The following SYT1 variants were observed in gnomAD, a reference collection of about 807,000 sequenced individuals.
SYT1 encodes synaptotagmin 1, also known as synaptotagmin-1.
SYT1 carries 8 observed loss-of-function variants against 44.8 expected under a neutral mutation model. That is an observed-to-expected ratio of 0.18 (90% CI 0.10 to 0.32). The LOEUF is 0.32. Ranked by LOEUF, SYT1 falls within the 10% of genes least tolerant of loss-of-function variation. The pLI is 1.00. For missense variants in SYT1, 286 were observed against 509.3 expected (o/e 0.56, Z 4.22); for synonymous variants, 154 against 188.8 (o/e 0.82, Z 1.51).
Position 79,299,452 on chromosome 12 carries a change from G to A in SYT1, c.711G>A (p.Lys237=). The change falls in exon 8 of 11, where the codon AAG becomes AAA. Residue 237 remains lysine, a synonymous_variant. Transcript: ENST00000261205. ...TATATGATTTTGATCGTTTCTCTAA[G>A]CATGACATCATTGGAGAATTTAAAG... The part of the protein sequence containing the change: ...MAVYDFDRFS[K]HDIIGEFKVP... The A allele has an allele frequency of 6.2e-7, 1 of 1,613,566 alleles. No individual in the cohort carries two copies. The highest frequency in any genetic ancestry group is 1.1e-5 in the South Asian group (1 of 91,058).
chr12:79,392,830 G>A (rs1884718852), intron 9 of SYT1: 1 of 112,422 alleles, frequency 8.9e-6, no homozygotes. Flanking sequence ...TATACTTTAA[G>A]TTCTAGGTTA....
intron 1 of SYT1, among the ~76,000 whole-genome samples, chr12:78,866,852 T>G (rs1373553015): frequency 2.6e-5 from 4 of 152,158 alleles, no homozygotes; most frequent in African/African-American, 9.6e-5. Context: ...TCCACACTAA[T>G]TTTGTATCTC....
At chr12:79,439,853 T>C (rs1870303326) in intron 9 of SYT1, among the ~76,000 whole-genome samples, 1 of 151,976 alleles carries the variant, frequency 6.6e-6, no homozygotes, top group South Asian at 2.1e-4. Context: ...CTGTACTAAA[T>C]TGTCTCTCTG....
intron 3 of SYT1, among the ~76,000 whole-genome samples, chr12:79,210,778 T>C (rs1470827184): frequency 6.6e-6 from 1 of 152,204 alleles, no homozygotes; most frequent in Non-Finnish European, 1.5e-5. Flanking sequence ...ATGAGATTGC[T>C]GGATCAAATT....
chr12:79,043,005 T>C (rs200001827), intron 2 of SYT1, among the ~76,000 whole-genome samples: 16,433 of 131,160 alleles, frequency 0.13, 1,060 homozygotes, highest in African/African-American at 0.2. Context: ...TTGTTATAAT[T>C]TCTGTTCTTT....
chr12:79,050,038 C>A (rs1164553708), intron 3 of SYT1, among the ~76,000 whole-genome samples: 1 of 151,924 alleles, frequency 6.6e-6, no homozygotes, highest in Non-Finnish European at 1.5e-5. Context: ...CCCACACAGT[C>A]CTAAAATTCC....
At chr12:78,869,308 G>A (rs1873700581) in intron 1 of SYT1, among the ~76,000 whole-genome samples, 1 of 151,886 alleles carries the variant, frequency 6.6e-6, no homozygotes, top group Non-Finnish European at 1.5e-5. Flanking sequence ...AACTGTGGTA[G>A]CCGGGTATGT....
chr12:78,895,132 T>A (rs917006352), intron 1 of SYT1, among the ~76,000 whole-genome samples: 2 of 151,814 alleles, frequency 1.3e-5, no homozygotes, highest in Middle Eastern at 3.4e-3. Context: ...AGGTTTTCCA[T>A]ACCATCCTGC....
At position 78,960,809 on chromosome 12, in the gene SYT1, G is replaced by A. The variant is rs533582143; in HGVS notation, c.-216-16990G>A. On this transcript the variant is annotated intron_variant, in intron 1 of 10. Coordinates refer to ENST00000261205, the MANE Select transcript of SYT1 (RefSeq NM_005639.3). ...GGACCTACCATGTTTTTTTCCTGTA[G>A]AACTAAAAATATTAGTTTATACTTG... 2.9e-3 allele frequency: 447 copies of A among 152,176 alleles called. 2 individuals carry two copies. Among genetic ancestry groups the A allele is most frequent in the African/African-American group, 0.01 (417 of 41,522 alleles). The allele number at this position is 152,176 out of a possible 1,614,324, so 9.4% of individuals were successfully genotyped here. A position where few individuals can be genotyped will look rare whatever the true frequency, so the allele number is the denominator to read the frequency against.
chr12:79,076,583 T>C (rs1270068689), intron 3 of SYT1, among the ~76,000 whole-genome samples: 2 of 152,176 alleles, frequency 1.3e-5, no homozygotes, highest in Non-Finnish European at 2.9e-5. Flanking sequence ...TGGTCCTCTG[T>C]TTTTGCTTTT....
At chr12:78,895,772 T>G (rs1875326785) in intron 1 of SYT1, among the ~76,000 whole-genome samples, 1 of 151,860 alleles carries the variant, frequency 6.6e-6, no homozygotes, top group Non-Finnish European at 1.5e-5. Context: ...CAAGTTTTAG[T>G]CCATATTTTG....
At chr12:79,058,705 A>G (rs1324695691) in intron 3 of SYT1, among the ~76,000 whole-genome samples, 1 of 152,054 alleles carries the variant, frequency 6.6e-6, no homozygotes, top group Non-Finnish European at 1.5e-5. Flanking sequence ...AACTTAAGGA[A>G]TTTCTGGCAG....
intron 2 of SYT1, among the ~76,000 whole-genome samples, chr12:79,003,293 C>T (rs1053310888): frequency 6.6e-6 from 1 of 151,922 alleles, no homozygotes; most frequent in African/African-American, 2.4e-5. Context: ...TTGTCTAGAA[C>T]TGATCCCCCC....
intron 3 of SYT1, among the ~76,000 whole-genome samples, chr12:79,118,086 G>C (rs1879400272): frequency 6.6e-6 from 1 of 151,994 alleles, no homozygotes; most frequent in African/African-American, 2.4e-5. Context: ...TTCTCTGTTT[G>C]CTGATTCCAT....
rs2138600466 is a variant in SYT1 at position 79,226,973 on chromosome 12, A to ATC, written c.166+9288_166+9289insTC. On this transcript the variant is annotated intron_variant, in intron 4 of 10. Transcript: ENST00000261205. ...ACATACTGTGATGCTAATGACGGGTAACAAATTAGAATATTAATTGATTTC... is the reference window on the plus strand; with the variant it reads ...ACATACTGTGATGCTAATGACGGGTATCACAAATTAGAATATTAATTGATTTC... Among the ~76,000 whole-genome samples, 3 of 152,294 alleles carry ATC rather than the reference A, an allele frequency of 2.0e-5. No individual in the cohort carries two copies. In the South Asian group the frequency reaches 6.2e-4, roughly 32 times the overall value.
Position 79,292,162 on chromosome 12 carries a change from T to C in SYT1, c.474+32T>C, listed in dbSNP as rs374646300. 7 of 1,588,538 alleles carry C rather than the reference T, an allele frequency of 4.4e-6. No homozygotes were observed. In the African/African-American group the frequency reaches 6.8e-5, roughly 15 times the overall value. On this transcript the variant is annotated intron_variant, in intron 6 of 10. Transcript: ENST00000261205. ...AGTGGAGAAATGTCTTCTAATTCCA[T>C]TACATTTTCTGAAATTACCAAGTAG...
chr12:78,963,168 A>G (rs1031778966), intron 1 of SYT1, among the ~76,000 whole-genome samples: 1 of 152,080 alleles, frequency 6.6e-6, no homozygotes, highest in Admixed American at 6.6e-5. Flanking sequence ...ATAATATTCA[A>G]TCGCATATAT....
At chr12:79,268,502 GATGAGTGAATGA>G (rs1344831321) in intron 4 of SYT1, among the ~76,000 whole-genome samples, 13 of 152,176 alleles carry the variant, frequency 8.5e-5, no homozygotes, top group Non-Finnish European at 1.5e-4. Flanking sequence ...TGTTCAAATG[GATGAGTGAATGA>G]ATGAGTGAAT....
At chr12:79,045,731 C>G (rs1873998145) in intron 2 of SYT1, 1 of 152,160 alleles carries the variant, frequency 6.6e-6, no homozygotes, top group Non-Finnish European at 1.5e-5. Flanking sequence ...GATATGCATG[C>G]AAAACCAAAA....
Sources: allele counts gnomAD v4.1 joint callset (sites outside exome capture counted in the v4.1 genomes callset), GRCh38; gene constraint gnomAD v4.1.1; transcripts MANE v1.5; gene names NCBI Gene and HGNC (gene_info 2026-07-23, HGNC 2026-07-21).